The following ABCA10 variants were observed in gnomAD, a reference collection of about 807,000 sequenced individuals.
ABCA10 encodes ATP binding cassette subfamily A member 10.
A neutral mutation model predicts 187.5 loss-of-function variants in ABCA10; 169 were observed. The observed-to-expected ratio is 0.90, with a 90% CI of 0.80 to 1.02. ABCA10 has a LOEUF of 1.02. Ranked by LOEUF, ABCA10 falls within the 50% of genes least tolerant of loss-of-function variation. The probability of loss-of-function intolerance (pLI) is 0.00; values close to 1 mark genes in which losing one functional copy is unlikely to be tolerated. For missense variants in ABCA10, 1,727 were observed against 1,812.4 expected (o/e 0.95, Z 0.86); for synonymous variants, 574 against 601.8 (o/e 0.95, Z 0.68).
intron 22 of ABCA10, among the ~76,000 whole-genome samples, chr17:69,177,995 A>ATGT (rs2074349844): frequency 8.8e-6 from 1 of 113,162 alleles, no homozygotes; most frequent in Non-Finnish European, 2.0e-5. Flanking sequence ...TATATATGTT[A>ATGT]TATATATATA....
intron 3 of ABCA10, 88 bp from the exon 4 acceptor site, chr17:69,222,785 A>G: frequency 1.6e-6 from 2 of 1,229,398 alleles, no homozygotes; most frequent in Non-Finnish European, 2.2e-6. Flanking sequence ...TGTTTTATAT[A>G]AAATTAGTGG....
At chr17:69,234,161 C>G (rs1008982458) in intron 1 of ABCA10, 1 of 152,340 alleles carries the variant, frequency 6.6e-6, no homozygotes, top group Non-Finnish European at 1.5e-5. Flanking sequence ...GGGGTCAGAA[C>G]TGAGGCTGGC....
At chr17:69,208,513 A>G (rs1190999363) in intron 9 of ABCA10, among the ~76,000 whole-genome samples, 1 of 152,108 alleles carries the variant, frequency 6.6e-6, no homozygotes, top group Non-Finnish European at 1.5e-5. Flanking sequence ...ATTACAAAAC[A>G]GAAAAAATTT....
intron 27 of ABCA10, among the ~76,000 whole-genome samples, chr17:69,161,715 C>A (rs976042158): frequency 6.6e-6 from 1 of 152,154 alleles, no homozygotes; most frequent in Non-Finnish European, 1.5e-5. Flanking sequence ...AGGGTACATT[C>A]ATTTGAAAAT....
chr17:69,171,533 A>T (rs1241374386), intron 25 of ABCA10, among the ~76,000 whole-genome samples: 2 of 152,230 alleles, frequency 1.3e-5, no homozygotes, highest in Admixed American at 6.5e-5. Context: ...AGAGACTTTA[A>T]GTCAGACAGG....
chr17:69,237,042 A>T (rs1411150557), intron 1 of ABCA10, among the ~76,000 whole-genome samples: 2 of 152,204 alleles, frequency 1.3e-5, no homozygotes, highest in Admixed American at 6.5e-5. Context: ...GTCAAATATT[A>T]ATGGCATGGG....
At chr17:69,226,456 G>T (rs1009577402) in intron 2 of ABCA10, among the ~76,000 whole-genome samples, 1 of 151,946 alleles carries the variant, frequency 6.6e-6, no homozygotes, top group African/African-American at 2.4e-5. Flanking sequence ...CACTGAAATG[G>T]TACTGACTAT....
chr17:69,197,121 T>C lies in ABCA10; in HGVS notation c.1177A>G (p.Ile393Val). Residue 393 changes from isoleucine to valine, a missense_variant and splice_region_variant, in exon 11 of 39, where the codon ATC (isoleucine) becomes GTC (valine). By Grantham distance (29) the Ile-to-Val change is conservative. Transcript: ENST00000690296. ...TTATATTCTTTTATAACATTTCTGA[T>C]TCTGAAAGAAGATGAAGTAATTTTC... ...PEFHGKEAIR[I>V]RNVIKEYNGK... The C allele has an allele frequency of 6.3e-7, 1 of 1,586,350 alleles. No individual in the cohort carries two copies. Among genetic ancestry groups the C allele is most frequent in the Non-Finnish European group, 8.6e-7 (1 of 1,157,480 alleles).
At chr17:69,231,400 G>C (rs185904774), upstream of ABCA10, among the ~76,000 whole-genome samples, 51 of 152,240 alleles carry the variant, frequency 3.3e-4, no homozygotes, top group East Asian at 9.4e-3. Context: ...ATGTAGGCAA[G>C]TATTGCTATA....
intron 5 of ABCA10, among the ~76,000 whole-genome samples, chr17:69,221,425 A>T (rs1348705842): frequency 3.3e-5 from 5 of 152,220 alleles, no homozygotes; most frequent in Non-Finnish European, 7.3e-5. Context: ...AAGTGAAGAA[A>T]TTAATTTTAA....
intron 19 of ABCA10, among the ~76,000 whole-genome samples, chr17:69,186,222 T>G (rs1044888950): frequency 2.6e-5 from 4 of 152,100 alleles, no homozygotes; most frequent in Non-Finnish European, 1.5e-5. Flanking sequence ...CTGCAATGAC[T>G]ACTTTCCCAT....
intron 26 of ABCA10, 135 bp downstream of exon 26, chr17:69,164,829 A>T: frequency 8.4e-7 from 1 of 1,192,626 alleles, no homozygotes; most frequent in African/African-American, 1.5e-5. Flanking sequence ...TACAGCTTTA[A>T]AATCTTATTT....
In ABCA10 at chr17:69,153,368, G is replaced by A. The variant is rs774282619; in HGVS notation, c.4073C>T (p.Pro1358Leu). 2 of 1,613,692 alleles carry A rather than the reference G, an allele frequency of 1.2e-6. No individual in the cohort carries two copies. Among genetic ancestry groups the A allele is most frequent in the East Asian group, 4.5e-5 (2 of 44,876 alleles). The change falls in exon 34 of 39, where the codon CCA becomes CTA. Residue 1358 changes from proline to leucine, a missense_variant. Coordinates refer to ENST00000690296, the MANE Select transcript of ABCA10 (RefSeq NM_001377321.1). ...LCFVLSILGN[P>L]SVVLLDEPFT... The stretch of plus-strand genomic sequence containing the variant: ...CGGCTCATCTAGAAGCACCACTGAT[G>A]GGTTCCCCAGGATGCTCAGCACAAA...
At chr17:69,166,751 A>C (rs1005645437) in intron 25 of ABCA10, among the ~76,000 whole-genome samples, 2 of 152,222 alleles carry the variant, frequency 1.3e-5, no homozygotes, top group African/African-American at 4.8e-5. Flanking sequence ...GCAGCAGACA[A>C]GCTCCCAGAT....
chr17:69,178,293 T>C (rs1244870486), intron 22 of ABCA10, among the ~76,000 whole-genome samples: 1 of 152,044 alleles, frequency 6.6e-6, no homozygotes, highest in African/African-American at 2.4e-5. Flanking sequence ...GAAGACACCT[T>C]CAGCAATCAG....
rs558622804 is a variant in ABCA10, at chr17:69,190,552, T to C, written c.2012-75A>G. On this transcript the variant is annotated intron_variant, in intron 17 of 38. Coordinates refer to ENST00000690296, the MANE Select transcript of ABCA10 (RefSeq NM_001377321.1). ...ATATTAAAATACTAATTTCTAAATA[T>C]TACTCAAAATAGATGTCTACAAATG... The C allele has an allele frequency of 2.3e-6, 3 of 1,318,936 alleles. No individual in the cohort carries two copies. The South Asian group carries it at 4.6e-5, about 20-fold the overall frequency. 81.7% of individuals were successfully genotyped at this position (1,318,936 alleles called of 1,614,324 possible).
intron 18 of ABCA10, among the ~76,000 whole-genome samples, chr17:69,188,777 A>G (rs1318986903): frequency 6.6e-6 from 1 of 151,998 alleles, no homozygotes; most frequent in Non-Finnish European, 1.5e-5. Context: ...TGTAAGTGAG[A>G]ACATATGGTA....
chr17:69,183,913 G>C (rs1235760454), intron 20 of ABCA10, among the ~76,000 whole-genome samples: 3 of 152,152 alleles, frequency 2.0e-5, no homozygotes, highest in East Asian at 3.9e-4. Flanking sequence ...AGCCATGGCA[G>C]GGGGAAGGCA....
At chr17:69,197,914 G>A (rs1033396207) in intron 10 of ABCA10, among the ~76,000 whole-genome samples, 12 of 152,142 alleles carry the variant, frequency 7.9e-5, no homozygotes, top group Admixed American at 7.2e-4. Context: ...TTGTGTTTTA[G>A]AGATTTCTTC....
Sources: gnomAD v4.1 joint callset for allele counts (sites outside exome capture counted in the v4.1 genomes callset) on GRCh38, gnomAD v4.1.1 for gene constraint, MANE v1.5 for transcripts, NCBI Gene and HGNC (gene_info 2026-07-23, HGNC 2026-07-21) for gene names.